Variants in PCSK6 observed in about 807,000 individuals in gnomAD.
The protein encoded by PCSK6 is paired basic amino acid cleaving enzyme 4.
A neutral mutation model predicts 123.3 loss-of-function variants in PCSK6; 85 were observed. The observed-to-expected ratio is 0.69, with a 90% CI of 0.58 to 0.83. The LOEUF (loss-of-function observed/expected upper bound fraction) is 0.83, where lower values mean the gene tolerates loss of function less well. Among genes scored for constraint, PCSK6 ranks in the 40% least tolerant of loss-of-function variants. The probability of loss-of-function intolerance (pLI) is 0.00; values close to 1 mark genes in which losing one functional copy is unlikely to be tolerated. For missense variants in PCSK6, 1,191 were observed against 1,282.3 expected, an observed-to-expected ratio of 0.93 and a Z score of 1.09; for synonymous variants, 508 against 516.0, an observed-to-expected ratio of 0.98 and a Z score of 0.21.
At chr15:101,317,867 T>C (rs28360762) in intron 19 of PCSK6, among the ~76,000 whole-genome samples, 17,853 of 152,208 alleles carry the variant, frequency 0.12, 2,459 homozygotes, top group African/African-American at 0.33. Context: ...ACAAAACGTT[T>C]TCCTTTTGTG....
Position 101,370,411 on chromosome 15 carries a change from AGATGGAGGTG to A in PCSK6, c.1635_1644del (p.Thr546HisfsTer41). Reference sequence around the variant, plus strand: ...TGGAGGTCTCCTCGGCGTGGGTGTGAGATGGAGGTGCGAACCACCACGTGCTCCAAGTAGA... The same window carrying A: ...TGGAGGTCTCCTCGGCGTGGGTGTGACGAACCACCACGTGCTCCAAGTAGA... On this transcript the variant is annotated frameshift_variant, in exon 12 of 22. Transcript: ENST00000611716. LOFTEE classifies it high-confidence loss of function. 1 of 1,552,750 alleles carries A rather than the reference AGATGGAGGTG, an allele frequency of 6.4e-7. No individual in the cohort carries two copies. Among genetic ancestry groups the A allele is most frequent in the Non-Finnish European group, 8.7e-7 (1 of 1,147,598 alleles).
At position 101,439,047 on chromosome 15, in the gene PCSK6, C is replaced by T. The variant is rs1010783557; in HGVS notation, c.402+4509G>A. ...CTCAGGAGCATGGGAGGTGACTGGC[C>T]GGGGCAAGGATGCCCACATGAGGCC... is the stretch of plus-strand genomic sequence containing the variant. On this transcript the variant is annotated intron_variant, in intron 2 of 21. Transcript: ENST00000611716. Among the ~76,000 whole-genome samples, 7 of 152,186 alleles carry T rather than the reference C, an allele frequency of 4.6e-5. No individual in the cohort carries two copies. In the South Asian group the frequency reaches 8.3e-4, roughly 18 times the overall value.
At position 101,356,960 on chromosome 15, in the gene PCSK6, G is replaced by T. The variant is rs1198240130; in HGVS notation, c.1858+9236C>A. On this transcript the variant is annotated intron_variant, in intron 13 of 21. Transcript: ENST00000611716. Reference sequence around the variant, plus strand: ...TAAGCCACGTTCAATCTGACAGGAGGTATTATTGGAGCTAGCGCATCAGTC... The same window carrying T: ...TAAGCCACGTTCAATCTGACAGGAGTTATTATTGGAGCTAGCGCATCAGTC... 1.3e-5 allele frequency among the ~76,000 whole-genome samples: 2 copies of T among 152,156 alleles called. 1 individual carries two copies. Among genetic ancestry groups the T allele is most frequent in the Admixed American group, 1.3e-4 (2 of 15,278 alleles).
chr15:101,424,501 A>T (rs1409490932), intron 6 of PCSK6, among the ~76,000 whole-genome samples: 1 of 152,268 alleles, frequency 6.6e-6, no homozygotes, highest in East Asian at 1.9e-4. Context: ...AACAAATACC[A>T]AAAGAGGTGA....
At chr15:101,308,472 T>G (rs1167440674) in intron 20 of PCSK6, 1 of 152,276 alleles carries the variant, frequency 6.6e-6, no homozygotes, top group Non-Finnish European at 1.5e-5. Context: ...CGGACTCCGC[T>G]GCTCTGGAGC....
chr15:101,489,271 G>T, intron 1 of PCSK6, 103 bp downstream of exon 1: 1 of 669,586 alleles, frequency 1.5e-6, no homozygotes, highest in Non-Finnish European at 1.7e-6. Flanking sequence ...TCCCACGCGC[G>T]CGCGGGGCCG....
rs57613156 is a variant in PCSK6 at position 101,316,910 on chromosome 15, G to GTTTTTTTTTTTTTTTTTTTTTTTTT, written c.2569+1408_2569+1409insAAAAAAAAAAAAAAAAAAAAAAAAA. ...ACTGGTTTAGCAGAGACTTAATTCT[G>GTTTTTTTTTTTTTTTTTTTTTTTTT]TTTTTTTTTTTTTTTTTTTGACAGA... On this transcript the variant is annotated intron_variant, in intron 19 of 21. Coordinates refer to ENST00000611716, the MANE Select transcript of PCSK6 (RefSeq NM_002570.5). 4.3e-5 allele frequency among the ~76,000 whole-genome samples: 5 copies of GTTTTTTTTTTTTTTTTTTTTTTTTT among 114,970 alleles called. 1 individual carries two copies. The highest frequency in any genetic ancestry group is 2.0e-4 in the African/African-American group (5 of 25,386). 75.4% of individuals were successfully genotyped at this position (114,970 alleles called of 152,430 possible). A position where few individuals can be genotyped will look rare whatever the true frequency, so the allele number is the denominator to read the frequency against.
chr15:101,383,130 C>A (rs564264931), intron 10 of PCSK6, among the ~76,000 whole-genome samples: 1 of 152,070 alleles, frequency 6.6e-6, no homozygotes, highest in African/African-American at 2.4e-5. Flanking sequence ...GCAAACAGGT[C>A]GGGCACAGTG....
At chr15:101,339,693 G>A (rs1246324172) in intron 13 of PCSK6, among the ~76,000 whole-genome samples, 1 of 152,144 alleles carries the variant, frequency 6.6e-6, no homozygotes, top group Non-Finnish European at 1.5e-5. Flanking sequence ...GATCTCTTGA[G>A]GCCAGGAGTT....
intron 6 of PCSK6, among the ~76,000 whole-genome samples, chr15:101,409,797 G>A (rs189831273): frequency 1.3e-5 from 2 of 152,268 alleles, no homozygotes; most frequent in African/African-American, 4.8e-5. Context: ...GTTCCACTCC[G>A]GCCAAGCCAG....
intron 6 of PCSK6, among the ~76,000 whole-genome samples, chr15:101,416,841 A>C (rs2055904698): frequency 6.6e-6 from 1 of 152,228 alleles, no homozygotes; most frequent in Non-Finnish European, 1.5e-5. Context: ...GAGGTTTGGG[A>C]ACCTCCACCT....
At chr15:101,437,224 C>T (rs2141135224) in intron 2 of PCSK6, among the ~76,000 whole-genome samples, 1 of 152,336 alleles carries the variant, frequency 6.6e-6, no homozygotes, top group South Asian at 2.1e-4. Context: ...CTGTGGCTGT[C>T]ATCTTCCAGC....
chr15:101,355,308 T>C (rs1417097285), intron 13 of PCSK6, among the ~76,000 whole-genome samples: 1 of 152,270 alleles, frequency 6.6e-6, no homozygotes, highest in Non-Finnish European at 1.5e-5. Flanking sequence ...TGAAATAAGA[T>C]ACATGGTGTC....
At chr15:101,480,505 T>C (rs540150925) in intron 1 of PCSK6, among the ~76,000 whole-genome samples, 148 of 152,376 alleles carry the variant, frequency 9.7e-4, no homozygotes, top group Non-Finnish European at 2.0e-3. Context: ...TCCCATCCCA[T>C]GGAGCGTGAG....
intron 13 of PCSK6, among the ~76,000 whole-genome samples, chr15:101,364,627 A>G (rs1326634300): frequency 7.9e-5 from 12 of 152,226 alleles, no homozygotes; most frequent in Admixed American, 7.9e-4. Context: ...TATACTCAAC[A>G]CTACAAAAAA....
At chr15:101,437,652 G>A (rs929124548) in intron 2 of PCSK6, among the ~76,000 whole-genome samples, 19 of 152,162 alleles carry the variant, frequency 1.2e-4, no homozygotes, top group African/African-American at 3.4e-4. Context: ...GGAAGTCCTC[G>A]CTCTGCCGAT....
At chr15:101,477,966 G>A (rs1190579309) in intron 1 of PCSK6, among the ~76,000 whole-genome samples, 4 of 152,226 alleles carry the variant, frequency 2.6e-5, no homozygotes, top group Non-Finnish European at 5.9e-5. Context: ...GGATCCCATA[G>A]TACAGGAGGA....
At chr15:101,435,146 G>C (rs2056561444) in intron 2 of PCSK6, among the ~76,000 whole-genome samples, 1 of 152,024 alleles carries the variant, frequency 6.6e-6, no homozygotes, top group Non-Finnish European at 1.5e-5. Context: ...GTGAAACCAG[G>C]AGCCACCTGG....
chr15:101,441,959 C>G (rs2056765764), intron 2 of PCSK6, among the ~76,000 whole-genome samples: 1 of 152,216 alleles, frequency 6.6e-6, no homozygotes, highest in African/African-American at 2.4e-5. Flanking sequence ...CCGCACAGAA[C>G]TCACGCCTCC....
Sources: allele counts gnomAD v4.1 joint callset (sites outside exome capture counted in the v4.1 genomes callset), GRCh38; gene constraint gnomAD v4.1.1; transcripts MANE v1.5; gene names NCBI Gene and HGNC (gene_info 2026-07-23, HGNC 2026-07-21).